The following GXYLT2 variants were observed in gnomAD, a reference collection of about 807,000 sequenced individuals.
GXYLT2 encodes the protein glucoside xylosyltransferase 2, also known as glycosyltransferase 8 domain containing 4.
Under a neutral mutation model 45.8 loss-of-function variants are expected in GXYLT2, and 53 were observed. The observed-to-expected ratio is 1.16, with a 90% CI of 0.93 to 1.46. The LOEUF (loss-of-function observed/expected upper bound fraction) is 1.46, where lower values mean the gene tolerates loss of function less well. GXYLT2 is among the 40% of genes most tolerant of loss of function. The probability of loss-of-function intolerance (pLI) is 0.00; values close to 1 mark genes in which losing one functional copy is unlikely to be tolerated. For missense variants in GXYLT2, 551 were observed against 544.4 expected (o/e 1.01, Z -0.12); for synonymous variants, 219 against 214.2 (o/e 1.02, Z -0.19).
intron 3 of GXYLT2, among the ~76,000 whole-genome samples, chr3:72,935,809 T>C (rs1030943387): frequency 6.6e-6 from 1 of 152,190 alleles, no homozygotes; most frequent in African/African-American, 2.4e-5. Flanking sequence ...TGTGCACCGC[T>C]TCAAAATATT....
At chr3:72,917,122 T>C (rs1709757452) in intron 2 of GXYLT2, among the ~76,000 whole-genome samples, 1 of 152,114 alleles carries the variant, frequency 6.6e-6, no homozygotes, top group South Asian at 2.1e-4. Context: ...TGTTTGTTTT[T>C]TTGAGACAGG....
chr3:72,944,906 G>A (rs1395117421), intron 3 of GXYLT2, among the ~76,000 whole-genome samples: 4 of 152,076 alleles, frequency 2.6e-5, no homozygotes, highest in Admixed American at 2.0e-4. Flanking sequence ...AGAGGGTGAC[G>A]TCCCAGACAT....
chr3:72,972,218 G>A (rs62249930), intron 6 of GXYLT2, among the ~76,000 whole-genome samples: 1 of 151,916 alleles, frequency 6.6e-6, no homozygotes, highest in African/African-American at 2.4e-5. Flanking sequence ...CCACAAGAAG[G>A]CATCTATCAT....
intron 3 of GXYLT2, among the ~76,000 whole-genome samples, chr3:72,923,087 TC>T (rs1383072382): frequency 2.6e-5 from 4 of 152,150 alleles, no homozygotes; most frequent in Non-Finnish European, 5.9e-5. Context: ...AAACCCTGTC[TC>T]TACTAAAAAT....
chr3:72,893,531 C>T (rs1164104944), intron 1 of GXYLT2, among the ~76,000 whole-genome samples: 1 of 152,154 alleles, frequency 6.6e-6, no homozygotes, highest in African/African-American at 2.4e-5. Flanking sequence ...GTTATTTGCT[C>T]CTGCCCCCTC....
At chr3:72,908,188 G>C in intron 1 of GXYLT2, 179 bp from the exon 2 acceptor site, 1 of 575,950 alleles carries the variant, frequency 1.7e-6, no homozygotes, top group African/African-American at 1.9e-5. Flanking sequence ...ATAAATATGG[G>C]AATAAATGGT....
chr3:72,948,282 G>A (rs1575807352), intron 3 of GXYLT2, among the ~76,000 whole-genome samples: 1 of 152,092 alleles, frequency 6.6e-6, no homozygotes, highest in Non-Finnish European at 1.5e-5. Context: ...AGCATTTATA[G>A]ACTACTCCTC....
At chr3:72,931,321 A>G (rs1222222362) in intron 3 of GXYLT2, among the ~76,000 whole-genome samples, 1 of 151,526 alleles carries the variant, frequency 6.6e-6, no homozygotes, top group Non-Finnish European at 1.5e-5. Flanking sequence ...TCCGCCTCCC[A>G]GGTTCACCCC....
At chr3:72,953,382 C>T (rs952898999) in intron 3 of GXYLT2, among the ~76,000 whole-genome samples, 5 of 152,028 alleles carry the variant, frequency 3.3e-5, no homozygotes, top group Admixed American at 6.6e-5. Flanking sequence ...CTCTGCCTCC[C>T]AGGTTCAAGC....
At position 72,975,926 on chromosome 3, in the gene GXYLT2, C is replaced by CT. The variant is rs200250227; in HGVS notation, c.*790dup. ...GGGTATTTCTTCTTTTTCTTTCTTT[C>CT]TTTTTTTTTTTTTTTTTTTTTTTGA... On this transcript the variant is annotated 3_prime_UTR_variant, in exon 7 of 7. Coordinates refer to ENST00000389617, the MANE Select transcript of GXYLT2 (RefSeq NM_001080393.2). The CT allele has an allele frequency of 0.051, 6,054 of 118,592 alleles. 382 individuals carry two copies. Among genetic ancestry groups the CT allele is most frequent in the African/African-American group, 0.17 (4,939 of 29,848 alleles). The allele number at this position is 118,592 out of a possible 1,614,324, so 7.3% of individuals were successfully genotyped here.
chr3:72,941,237 C>A (rs1710292617), intron 3 of GXYLT2, among the ~76,000 whole-genome samples: 1 of 152,140 alleles, frequency 6.6e-6, no homozygotes, highest in Non-Finnish European at 1.5e-5. Context: ...CATCTCCCTG[C>A]TACATGTGTC....
chr3:72,959,679 G>C lies in GXYLT2; in HGVS notation c.976+2327G>C, dbSNP rs531545112. 1.4e-4 allele frequency among the ~76,000 whole-genome samples: 22 copies of C among 152,138 alleles called. No individual in the cohort carries two copies. The South Asian group carries it at 3.9e-3, about 27-fold the overall frequency. Reference sequence around the variant, plus strand: ...AGATGGAATCTGGCTCTGTCACCCAGGCTGGAGTGCAATGGCACCATCTCG... The same window carrying C: ...AGATGGAATCTGGCTCTGTCACCCACGCTGGAGTGCAATGGCACCATCTCG... On this transcript the variant is annotated intron_variant, in intron 5 of 6. Transcript: ENST00000389617.
chr3:72,902,170 CAT>C (rs777015026), intron 1 of GXYLT2, among the ~76,000 whole-genome samples: 33 of 152,254 alleles, frequency 2.2e-4, no homozygotes, highest in African/African-American at 5.8e-4. Flanking sequence ...TATGTGGACA[CAT>C]GTTTTCAATT....
intron 1 of GXYLT2, among the ~76,000 whole-genome samples, chr3:72,906,975 A>T (rs1259760606): frequency 2.6e-5 from 4 of 152,128 alleles, no homozygotes; most frequent in Non-Finnish European, 5.9e-5. Context: ...GAGAAACATC[A>T]CCCTGGCACC....
rs185903845 is a variant in GXYLT2, at chr3:72,918,432, A to G, written c.469-3772A>G. On this transcript the variant is annotated intron_variant, in intron 2 of 6. Coordinates refer to ENST00000389617, the MANE Select transcript of GXYLT2 (RefSeq NM_001080393.2). Reference sequence around the variant, plus strand: ...TTTTTCATTGTTACAAACAACACTAAAACAAACAACCTTGTAATAAACAAG... The same window carrying G: ...TTTTTCATTGTTACAAACAACACTAGAACAAACAACCTTGTAATAAACAAG... Among the ~76,000 whole-genome samples, 1,297 of 152,298 alleles carry G rather than the reference A, an allele frequency of 8.5e-3. 5 individuals are homozygous for G. The highest frequency in any genetic ancestry group is 0.012 in the Non-Finnish European group (810 of 68,028).
At chr3:72,900,326 T>G (rs937482633) in intron 1 of GXYLT2, among the ~76,000 whole-genome samples, 1 of 152,160 alleles carries the variant, frequency 6.6e-6, no homozygotes. Flanking sequence ...ATTCTGAATA[T>G]CATTTTTCAT....
intron 2 of GXYLT2, among the ~76,000 whole-genome samples, chr3:72,912,170 C>T (rs1025614737): frequency 1.5e-4 from 23 of 151,702 alleles, no homozygotes; most frequent in East Asian, 5.8e-4. Context: ...CCACCACGCC[C>T]GGCTAATTTT....
rs1710698664 is a variant in GXYLT2, at chr3:72,958,634, T to G, written c.976+1282T>G. Among the ~76,000 whole-genome samples, 5 of 148,202 alleles carry G rather than the reference T, an allele frequency of 3.4e-5. No homozygotes were observed. The East Asian group carries it at 5.9e-4, about 18-fold the overall frequency. ...TCTTAGCTGTTCACTTGTGGCTTTT[T>G]TTTTTTTTTTTTTTTGGGACAGAGT... On this transcript the variant is annotated intron_variant, in intron 5 of 6. Coordinates refer to ENST00000389617, the MANE Select transcript of GXYLT2 (RefSeq NM_001080393.2).
intron 5 of GXYLT2, among the ~76,000 whole-genome samples, chr3:72,957,931 A>G (rs1217447184): frequency 1.3e-5 from 2 of 152,154 alleles, no homozygotes; most frequent in African/African-American, 4.8e-5. Flanking sequence ...ACGTAAAGCT[A>G]ATAAAATTCT....
Sources: gnomAD v4.1 joint callset for allele counts (sites outside exome capture counted in the v4.1 genomes callset) on GRCh38, gnomAD v4.1.1 for gene constraint, MANE v1.5 for transcripts, NCBI Gene and HGNC (gene_info 2026-07-23, HGNC 2026-07-21) for gene names.